Variants in APTX observed in about 807,000 individuals in gnomAD.
APTX encodes the protein aprataxin.
APTX carries 33 observed loss-of-function variants against 42.3 expected under a neutral mutation model. The observed-to-expected ratio is 0.78, with a 90% confidence interval of 0.59 to 1.04. The LOEUF (loss-of-function observed/expected upper bound fraction) is 1.04, where lower values mean the gene tolerates loss of function less well. Among genes scored for constraint, APTX ranks in the 50% least tolerant of loss-of-function variants. The probability of loss-of-function intolerance (pLI) is 0.00; values close to 1 mark genes in which losing one functional copy is unlikely to be tolerated. For missense variants in APTX, 421 were observed against 415.1 expected (o/e 1.01, Z -0.12); for synonymous variants, 130 against 146.7 (o/e 0.89, Z 0.82).
At chr9:32,982,499 T>C (rs921592990) in intron 6 of APTX, among the ~76,000 whole-genome samples, 2 of 152,246 alleles carry the variant, frequency 1.3e-5, no homozygotes, top group African/African-American at 2.4e-5. Flanking sequence ...TTTTTATATT[T>C]TCTTAATTGA....
intron 4 of APTX, among the ~76,000 whole-genome samples, chr9:32,986,879 G>A (rs1832312768): frequency 6.6e-6 from 1 of 152,086 alleles, no homozygotes; most frequent in Admixed American, 6.5e-5. Context: ...TGCAATCTCA[G>A]CTCACTGCAA....
At chr9:32,994,586 C>G (rs576329025) in intron 1 of APTX, among the ~76,000 whole-genome samples, 4 of 152,334 alleles carry the variant, frequency 2.6e-5, no homozygotes, top group Non-Finnish European at 5.9e-5. Context: ...CTGTGTCAAG[C>G]AAGTCTTTCA....
chr9:33,013,690 A>C (rs938982014), intron 1 of APTX, among the ~76,000 whole-genome samples: 5 of 152,158 alleles, frequency 3.3e-5, no homozygotes, highest in Admixed American at 6.5e-5. Flanking sequence ...GCCTGTAGTC[A>C]CAGCTACTCA....
chr9:33,016,582 G>C (rs982322836), intron 1 of APTX, among the ~76,000 whole-genome samples: 1 of 152,072 alleles, frequency 6.6e-6, no homozygotes, highest in African/African-American at 2.4e-5. Flanking sequence ...TACCAGGCTG[G>C]AGCTTTAAAG....
intron 1 of APTX, among the ~76,000 whole-genome samples, chr9:33,024,360 T>C (rs1192918580): frequency 6.6e-6 from 1 of 152,236 alleles, no homozygotes; most frequent in African/African-American, 2.4e-5. Context: ...GCTGTGTCCC[T>C]GGATAAAGAA....
At chr9:33,000,625 C>CAAAAAAAAAAAAAAA (rs60760701) in intron 1 of APTX, among the ~76,000 whole-genome samples, 6 of 63,448 alleles carry the variant, frequency 9.5e-5, no homozygotes, top group African/African-American at 2.4e-4. Flanking sequence ...GACTCTGTCT[C>CAAAAAAAAAAAAAAA]AAAAAAAAAA....
At chr9:33,001,791 G>A (rs563751106), upstream of APTX, 9 of 730,042 alleles carry the variant, frequency 1.2e-5, no homozygotes, top group Non-Finnish European at 2.1e-5. Context: ...TGGAAGTTAT[G>A]CCTGTGGGGA....
At chr9:33,013,782 C>T (rs1474510586) in intron 1 of APTX, among the ~76,000 whole-genome samples, 2 of 152,130 alleles carry the variant, frequency 1.3e-5, no homozygotes, top group Non-Finnish European at 1.5e-5. Context: ...CCAGCCTGGG[C>T]GACGGTGCAA....
intron 1 of APTX, among the ~76,000 whole-genome samples, chr9:33,008,855 T>TAA (rs139154944): frequency 0.07 from 10,731 of 152,262 alleles, 512 homozygotes; most frequent in Non-Finnish European, 0.11. Flanking sequence ...TTGGCCTGAT[T>TAA]GATTTTTTAA....
intron 1 of APTX, among the ~76,000 whole-genome samples, chr9:32,995,731 CA>C (rs1487393045): frequency 4.0e-5 from 6 of 151,866 alleles, no homozygotes; most frequent in Middle Eastern, 3.4e-3. Context: ...ACTAAAAATA[CA>C]AAAAAATTAG....
intron 1 of APTX, among the ~76,000 whole-genome samples, chr9:33,024,421 G>A (rs527493833): frequency 6.6e-6 from 1 of 152,366 alleles, no homozygotes; most frequent in African/African-American, 2.4e-5. Flanking sequence ...CAAGTCCGAG[G>A]TCTTACGTTG....
intron 6 of APTX, among the ~76,000 whole-genome samples, chr9:32,978,263 T>G (rs1587376713): frequency 1.3e-5 from 2 of 152,336 alleles, no homozygotes; most frequent in East Asian, 3.9e-4. Context: ...TTAACCTCTT[T>G]GTGCAGCATT....
Position 32,988,092 on chromosome 9 carries a change from C to G in APTX, c.171G>C (p.Lys57Asn). The part of the protein sequence containing the change: ...LKAECNKGYV[K>N]VKQVGVNPTS... Reference sequence around the variant, plus strand: ...TTATAAATACACCTACCTGCTTTACCTTGACATATCCCTTGTTACACTCTG... The same window carrying G: ...TTATAAATACACCTACCTGCTTTACGTTGACATATCCCTTGTTACACTCTG... The change falls in exon 3 of 8, where the codon AAG becomes AAC. Residue 57 changes from lysine (K) to asparagine (N), a missense_variant. By Grantham distance (94) the Lys-to-Asn change is moderately conservative. Coordinates refer to ENST00000379817, the MANE Select transcript of APTX (RefSeq NM_001195248.2). 6.2e-7 allele frequency: 1 copy of G among 1,614,048 alleles called. No homozygotes were observed. Among genetic ancestry groups the G allele is most frequent in the Non-Finnish European group, 8.5e-7 (1 of 1,179,942 alleles).
At chr9:32,990,267 G>A (rs1408370432) in intron 1 of APTX, among the ~76,000 whole-genome samples, 1 of 152,094 alleles carries the variant, frequency 6.6e-6, no homozygotes, top group Non-Finnish European at 1.5e-5. Context: ...CCACCTTCCG[G>A]GTTCAAGCAA....
chr9:33,018,832 T>C (rs972757686), intron 1 of APTX, among the ~76,000 whole-genome samples: 1 of 152,114 alleles, frequency 6.6e-6, no homozygotes, highest in African/African-American at 2.4e-5. Context: ...TGACCCAACA[T>C]CACGCCATTG....
chr9:33,023,652 G>GA (rs1465713306), intron 1 of APTX, among the ~76,000 whole-genome samples: 2 of 152,162 alleles, frequency 1.3e-5, no homozygotes, highest in East Asian at 1.9e-4. Context: ...ACCTAAGATT[G>GA]AAAAAAATCA....
chr9:32,984,742 T>C lies in APTX; in HGVS notation c.659A>G (p.His220Arg), dbSNP rs764535828. ...ISSLKAVAREHLELLKHMHTV... is the reference protein window; with the variant it reads ...ISSLKAVARERLELLKHMHTV... ...GTGCATATGCTTAAGGAGTTCAAGG[T>C]GTTCCCTGGCCACAGCCTTCAGACT... is the stretch of plus-strand genomic sequence containing the variant. The change falls in exon 6 of 8, where the codon CAC (histidine) becomes CGC (arginine). Residue 220 changes from histidine (H) to arginine (R), a missense_variant. Coordinates refer to ENST00000379817, the MANE Select transcript of APTX (RefSeq NM_001195248.2). 1 of 1,614,192 alleles carries C rather than the reference T, an allele frequency of 6.2e-7. No individual in the cohort carries two copies. The highest frequency in any genetic ancestry group is 8.5e-7 in the Non-Finnish European group (1 of 1,180,036).
At chr9:33,020,385 A>G (rs1000926614) in intron 1 of APTX, among the ~76,000 whole-genome samples, 4 of 152,152 alleles carry the variant, frequency 2.6e-5, no homozygotes, top group Non-Finnish European at 5.9e-5. Context: ...AAGACTTTAC[A>G]TGTTTTTATA....
chr9:32,995,764 T>C (rs1834721057), intron 1 of APTX, among the ~76,000 whole-genome samples: 1 of 151,908 alleles, frequency 6.6e-6, no homozygotes, highest in Admixed American at 6.6e-5. Context: ...GGCGGGCACC[T>C]GTAGTCCCAG....
Sources: allele counts gnomAD v4.1 joint callset (sites outside exome capture counted in the v4.1 genomes callset), GRCh38; gene constraint gnomAD v4.1.1; transcripts MANE v1.5; gene names NCBI Gene and HGNC (gene_info 2026-07-23, HGNC 2026-07-21).